The following STAG3 variants were observed in gnomAD, a reference collection of about 807,000 sequenced individuals.
STAG3 encodes STAG3 cohesin complex component.
In STAG3, 101 loss-of-function variants were observed where a neutral mutation model predicts 160.7. That is an observed-to-expected ratio of 0.63 (90% CI 0.54 to 0.74). STAG3 has a LOEUF of 0.74. Ranked by LOEUF, STAG3 falls within the 30% of genes least tolerant of loss-of-function variation. The pLI is 0.00. For synonymous variants in STAG3, 519 were observed against 585.0 expected, an observed-to-expected ratio of 0.89 and a Z score of 1.63; for missense variants, 1,188 against 1,517.4, an observed-to-expected ratio of 0.78 and a Z score of 3.61.
downstream of STAG3, among the ~76,000 whole-genome samples, chr7:100,216,239 A>T (rs1802739394): frequency 6.6e-6 from 1 of 152,226 alleles, no homozygotes; most frequent in African/African-American, 2.4e-5. Context: ...TAGCCATAGC[A>T]ACCGGAACAG....
chr7:100,193,934 C>G (rs1203820501), intron 8 of STAG3, among the ~76,000 whole-genome samples: 1 of 142,516 alleles, frequency 7.0e-6, no homozygotes, highest in Admixed American at 7.4e-5. Context: ...TAAGCTTAAT[C>G]ATTTCTTTTT....
intron 5 of STAG3, among the ~76,000 whole-genome samples, chr7:100,188,066 T>C (rs889379055): frequency 5.9e-5 from 9 of 152,184 alleles, no homozygotes; most frequent in African/African-American, 2.2e-4. Context: ...GGCCTGCATC[T>C]TCTTTAGGCC....
At chr7:100,180,723 C>G (rs1799592265) in intron 2 of STAG3, 51 bp downstream of exon 2, 1 of 1,151,026 alleles carries the variant, frequency 8.7e-7, no homozygotes, top group Non-Finnish European at 1.3e-6. Flanking sequence ...TGGCAGCCTT[C>G]CCCCTCGTTT....
intron 31 of STAG3, 106 bp from the exon 32 acceptor site, chr7:100,211,689 A>G (rs770065176): frequency 1.4e-6 from 2 of 1,412,358 alleles, no homozygotes; most frequent in East Asian, 2.3e-5. Flanking sequence ...GGAAACTACT[A>G]TGCTGTACTT....
chr7:100,210,290 G>C (rs1043147428), intron 29 of STAG3, among the ~76,000 whole-genome samples: 2 of 152,112 alleles, frequency 1.3e-5, no homozygotes, highest in African/African-American at 2.4e-5. Context: ...GTGGAGAAGG[G>C]GGGTAATGGG....
intron 7 of STAG3, 78 bp downstream of exon 7, chr7:100,189,094 T>C: frequency 6.7e-7 from 1 of 1,503,586 alleles, no homozygotes; most frequent in African/African-American, 1.4e-5. Flanking sequence ...CAGGATCTTC[T>C]TTCCTACCTG....
intron 8 of STAG3, among the ~76,000 whole-genome samples, chr7:100,190,377 T>C (rs1800280675): frequency 6.6e-6 from 1 of 152,248 alleles, no homozygotes; most frequent in African/African-American, 2.4e-5. Flanking sequence ...ATCATTTGGC[T>C]GTTTCTCTAG....
At chr7:100,210,162 G>A (rs1391127736) in intron 29 of STAG3, among the ~76,000 whole-genome samples, 2 of 152,176 alleles carry the variant, frequency 1.3e-5, no homozygotes, top group East Asian at 3.8e-4. Flanking sequence ...GGACACATCT[G>A]GGGCCCCAAG....
chr7:100,204,337 A>G (rs1478324374), intron 26 of STAG3, among the ~76,000 whole-genome samples: 10 of 152,186 alleles, frequency 6.6e-5, no homozygotes, highest in Admixed American at 5.2e-4. Context: ...TTATCAGGAC[A>G]TTGGAACGCC....
downstream of STAG3, chr7:100,218,774 A>C (rs1802991681): frequency 3.6e-6 from 1 of 275,754 alleles, no homozygotes; most frequent in Non-Finnish European, 7.2e-6. Context: ...AGACATCGTG[A>C]GGTCTTCCTT....
In STAG3 at chr7:100,211,465, A is replaced by G. The variant is rs753975477; in HGVS notation, c.3444A>G (p.Ser1148=). The G allele has an allele frequency of 3.1e-6, 5 of 1,613,754 alleles. No individual in the cohort carries two copies. The highest frequency in any genetic ancestry group is 4.2e-6 in the Non-Finnish European group (5 of 1,179,942). ...GSQPVAGTER[S]RFLGPQYFQT... ...AGCCCGTCGCAGGCACCGAGAGGTC[A>G]AGGTTCTTGGGTCCACAATATTTCC... The change falls in exon 31 of 34, where the codon TCA becomes TCG. Residue 1148 remains serine, a synonymous_variant. Coordinates refer to ENST00000615138, the MANE Select transcript of STAG3 (RefSeq NM_001282717.2).
Position 100,202,258 on chromosome 7 carries a change from T to C in STAG3, c.2481T>C (p.Phe827=), listed in dbSNP as rs1801206966. Residue 827 remains phenylalanine, a synonymous_variant, in exon 24 of 34, where the codon TTT becomes TTC. Coordinates refer to ENST00000615138, the MANE Select transcript of STAG3 (RefSeq NM_001282717.2). ...GGRDFLRPLV[F]FPEATLQSEL... is the part of the protein sequence containing the mutation. ...GTGATTTCCTTAGGCCACTTGTCTT[T>C]TTTCCTGAAGCTACTCTCCAGTCTG... 6.2e-7 allele frequency: 1 copy of C among 1,614,082 alleles called. No homozygotes were observed. The highest frequency in any genetic ancestry group is 1.3e-5 in the African/African-American group (1 of 74,912).
intron 24 of STAG3, 33 bp downstream of exon 24, chr7:100,202,373 G>A: frequency 1.2e-6 from 2 of 1,611,510 alleles, no homozygotes; most frequent in Non-Finnish European, 1.7e-6. Context: ...GCTCAGTAAG[G>A]GCTGGGGCTT....
intron 32 of STAG3, 59 bp from the exon 33 acceptor site, chr7:100,213,676 T>A (rs1401520226): frequency 6.2e-7 from 1 of 1,612,720 alleles, no homozygotes; most frequent in East Asian, 2.2e-5. Context: ...GGTTTTTTTA[T>A]TTGCGAAGTG....
Position 100,214,265 on chromosome 7 carries a change from G to A in STAG3, c.*250G>A, listed in dbSNP as rs561820031. 60 of 560,840 alleles carry A rather than the reference G, an allele frequency of 1.1e-4. No individual in the cohort carries two copies. Among genetic ancestry groups the A allele is most frequent in the African/African-American group, 1.0e-3 (56 of 53,356 alleles). The allele number at this position is 560,840 out of a possible 1,614,324, so 34.7% of individuals were successfully genotyped here. A position where few individuals can be genotyped will look rare whatever the true frequency, so the allele number is the denominator to read the frequency against. ...TTTTTCCTGTTCTGTTTGGAGTGGAGAAGGGCAGCACCTCTGTGTTTAATG... is the reference window on the plus strand; with the variant it reads ...TTTTTCCTGTTCTGTTTGGAGTGGAAAAGGGCAGCACCTCTGTGTTTAATG... On this transcript the variant is annotated 3_prime_UTR_variant, in exon 34 of 34. Coordinates refer to ENST00000615138, the MANE Select transcript of STAG3 (RefSeq NM_001282717.2).
intron 8 of STAG3, among the ~76,000 whole-genome samples, chr7:100,192,766 GT>G (rs932333547): frequency 4.6e-5 from 7 of 152,132 alleles, no homozygotes; most frequent in Middle Eastern, 3.4e-3. Context: ...TTTTTGTTTT[GT>G]TTCTGTAGAG....
intron 32 of STAG3, 124 bp from the exon 33 acceptor site, chr7:100,213,611 T>C: frequency 6.6e-7 from 1 of 1,521,806 alleles, no homozygotes; most frequent in Non-Finnish European, 8.8e-7. Flanking sequence ...TCCCAGGAGG[T>C]GCCATAGGGG....
At chr7:100,187,012 T>C (rs1336535354) in intron 5 of STAG3, among the ~76,000 whole-genome samples, 1 of 152,136 alleles carries the variant, frequency 6.6e-6, no homozygotes, top group East Asian at 1.9e-4. Flanking sequence ...GGCTTAGTTT[T>C]ATTGCTGTCT....
At position 100,211,852 on chromosome 7, in the gene STAG3, T is replaced by C. The variant is rs950537917; in HGVS notation, c.3576T>C (p.Asn1192=). The change falls in exon 32 of 34, where the codon AAT becomes AAC. Residue 1192 remains asparagine (N), a synonymous_variant. Coordinates refer to ENST00000615138, the MANE Select transcript of STAG3 (RefSeq NM_001282717.2). ...AGTTAGAAATCCAGGATGAGTCAAA[T>C]GAAGAACGGCAGGATACAGACATGG... ...EEELEIQDES[N]EERQDTDMQA... is the part of the protein sequence containing the mutation. 6.8e-6 allele frequency: 11 copies of C among 1,613,976 alleles called. No homozygotes were observed. Among genetic ancestry groups the C allele is most frequent in the African/African-American group, 1.3e-5 (1 of 74,884 alleles).
Sources: gnomAD v4.1 joint callset for allele counts (sites outside exome capture counted in the v4.1 genomes callset) on GRCh38, gnomAD v4.1.1 for gene constraint, MANE v1.5 for transcripts, NCBI Gene and HGNC (gene_info 2026-07-23, HGNC 2026-07-21) for gene names.